The following HPCAL4 variants were observed in gnomAD, a reference collection of about 807,000 sequenced individuals.
The protein encoded by HPCAL4 is hippocalcin-like protein 4.
Under a neutral mutation model 18.2 loss-of-function variants are expected in HPCAL4, and 16 were observed. The ratio of observed to expected loss-of-function variants is 0.88; its 90% CI spans 0.59 to 1.33. The LOEUF (loss-of-function observed/expected upper bound fraction) is 1.33, where lower values mean the gene tolerates loss of function less well. Among genes scored for constraint, HPCAL4 ranks in the 40% most tolerant of loss-of-function variants. The pLI is 0.00. For synonymous variants in HPCAL4, 80 were observed against 97.5 expected (o/e 0.82, Z 1.06); for missense variants, 214 against 256.6 (o/e 0.83, Z 1.14).
chr1:39,686,619 G>C (rs570274773), intron 1 of HPCAL4, among the ~76,000 whole-genome samples: 1 of 152,318 alleles, frequency 6.6e-6, no homozygotes, highest in South Asian at 2.1e-4. Flanking sequence ...AAGTGTTGTT[G>C]CTGAGAAGCA....
Sources: gnomAD v4.1 joint callset for allele counts (sites outside exome capture counted in the v4.1 genomes callset) on GRCh38, gnomAD v4.1.1 for gene constraint, MANE v1.5 for transcripts, NCBI Gene and HGNC (gene_info 2026-07-23, HGNC 2026-07-21) for gene names.